The following PARVG variants were observed in gnomAD, a reference collection of about 807,000 sequenced individuals.
PARVG encodes gamma-parvin.
A neutral mutation model predicts 44.4 loss-of-function variants in PARVG; 36 were observed. The observed-to-expected ratio is 0.81, with a 90% CI of 0.62 to 1.07. The LOEUF (loss-of-function observed/expected upper bound fraction) is 1.07, where lower values mean the gene tolerates loss of function less well. PARVG is among the 50% of genes least tolerant of loss of function. The probability of loss-of-function intolerance (pLI) is 0.00; values close to 1 mark genes in which losing one functional copy is unlikely to be tolerated. For missense variants in PARVG, 407 were observed against 407.4 expected (o/e 1.00, Z 0.01); for synonymous variants, 170 against 174.1 (o/e 0.98, Z 0.19).
At position 44,206,324 on chromosome 22, in the gene PARVG, G is replaced by A; in HGVS notation, c.894G>A (p.Val298=). 6.2e-7 allele frequency: 1 copy of A among 1,613,480 alleles called. No individual in the cohort carries two copies. The highest frequency in any genetic ancestry group is 2.2e-5 in the East Asian group (1 of 44,876). ...LSCPVSPEDI[V]NKDAKSTLRV... ...CCCTCCTTTGGCCCGCAGATATCGT[G>A]AACAAGGATGCCAAGAGCACACTGA... Residue 298 remains valine (V), a synonymous_variant, in exon 14 of 14, where the codon GTG becomes GTA. Transcript: ENST00000444313.
upstream of PARVG, among the ~76,000 whole-genome samples, chr22:44,178,627 C>A (rs1231709484): frequency 6.6e-6 from 1 of 152,100 alleles, no homozygotes; most frequent in African/African-American, 2.4e-5. Flanking sequence ...CAGAAGCAGA[C>A]CAGGAAATGA....
chr22:44,198,889 TTCA>T (rs2054655964), intron 12 of PARVG, among the ~76,000 whole-genome samples, 167 bp downstream of exon 12: 1 of 96,846 alleles, frequency 1.0e-5, no homozygotes, highest in East Asian at 3.0e-4. Flanking sequence ...CATCCACCTA[TTCA>T]CCTATCCATC....
rs2054800884 is a variant in PARVG at position 44,207,858 on chromosome 22, A to C, written c.*1432A>C. On this transcript the variant is annotated 3_prime_UTR_variant, in exon 14 of 14. Transcript: ENST00000444313. Reference sequence around the variant, plus strand: ...CAAGCCCATAAGCGTGTTCCACGTGAGCACTCAGATGCACCCCTCTTCATG... The same window carrying C: ...CAAGCCCATAAGCGTGTTCCACGTGCGCACTCAGATGCACCCCTCTTCATG... The C allele has an allele frequency of 6.6e-6, 1 of 152,246 alleles. No individual in the cohort carries two copies. Among genetic ancestry groups the C allele is most frequent in the Non-Finnish European group, 1.5e-5 (1 of 68,100 alleles). 9.4% of individuals were successfully genotyped at this position (152,246 alleles called of 1,614,324 possible). A position where few individuals can be genotyped will look rare whatever the true frequency, so the allele number is the denominator to read the frequency against.
chr22:44,188,012 T>C, intron 5 of PARVG, 134 bp downstream of exon 5: 1 of 900,430 alleles, frequency 1.1e-6, no homozygotes, highest in South Asian at 1.5e-5. Flanking sequence ...TCTCACTTTC[T>C]AGATGGGCCT....
At chr22:44,189,018 T>C (rs2054512275) in intron 5 of PARVG, 96 bp from the exon 6 acceptor site, 15 of 1,529,462 alleles carry the variant, frequency 9.8e-6, no homozygotes, top group Non-Finnish European at 1.2e-5. Flanking sequence ...CCATGTTCCC[T>C]GAAGCACCAG....
intron 4 of PARVG, chr22:44,186,475 C>T (rs956604340): frequency 2.2e-6 from 1 of 448,642 alleles, no homozygotes; most frequent in African/African-American, 2.0e-5. Flanking sequence ...GGGAGGCCTC[C>T]TGGCCTACAC....
At chr22:44,201,160 G>A (rs2054702398) in intron 12 of PARVG, among the ~76,000 whole-genome samples, 1 of 152,092 alleles carries the variant, frequency 6.6e-6, no homozygotes, top group African/African-American at 2.4e-5. Flanking sequence ...GGCCAGCTCT[G>A]CCCACCTTCT....
At chr22:44,203,224 T>C (rs552676573) in intron 12 of PARVG, among the ~76,000 whole-genome samples, 2 of 152,338 alleles carry the variant, frequency 1.3e-5, no homozygotes, top group South Asian at 4.1e-4. Context: ...TGAGCACTGG[T>C]TGTATGGCTA....
At chr22:44,201,594 T>C (rs2147239462) in intron 12 of PARVG, among the ~76,000 whole-genome samples, 1 of 152,284 alleles carries the variant, frequency 6.6e-6, no homozygotes, top group Middle Eastern at 3.4e-3. Flanking sequence ...CGGTGCCTGC[T>C]GCTTCCTAGG....
At position 44,206,824 on chromosome 22, in the gene PARVG, C is replaced by G. The variant is rs73888906; in HGVS notation, c.*398C>G. 1 of 212,838 alleles carries G rather than the reference C, an allele frequency of 4.7e-6. No homozygotes were observed. Among genetic ancestry groups the G allele is most frequent in the Non-Finnish European group, 9.3e-6 (1 of 107,152 alleles). The allele number at this position is 212,838 out of a possible 1,614,324, so 13.2% of individuals were successfully genotyped here. ...ACTCTCAGGGACAGGGCCCACAGCC[C>G]CAGACCCCACCTTTTCCAGCCCAGC... On this transcript the variant is annotated 3_prime_UTR_variant, in exon 14 of 14. Transcript: ENST00000444313.
intron 1 of PARVG, among the ~76,000 whole-genome samples, chr22:44,175,708 C>T (rs916603318): frequency 6.6e-6 from 1 of 152,100 alleles, no homozygotes; most frequent in African/African-American, 2.4e-5. Flanking sequence ...TGTGCTAGGG[C>T]ACAGGAACCA....
intron 8 of PARVG, 22 bp from the exon 9 acceptor site, chr22:44,193,779 G>T: frequency 6.2e-7 from 1 of 1,609,184 alleles, no homozygotes; most frequent in Non-Finnish European, 8.5e-7. Context: ...CCATTTGTTT[G>T]CTTTTTCCAC....
At chr22:44,178,111 T>C (rs1371614835), upstream of PARVG, among the ~76,000 whole-genome samples, 7 of 152,206 alleles carry the variant, frequency 4.6e-5, no homozygotes, top group Non-Finnish European at 4.4e-5. Context: ...ATGGTGGAAC[T>C]GTGAGTCCAT....
intron 8 of PARVG, among the ~76,000 whole-genome samples, chr22:44,192,645 C>T (rs559825120): frequency 9.4e-4 from 1 of 1,066 alleles, no homozygotes; most frequent in Admixed American, 9.1e-3. Flanking sequence ...CTCCTGCCCA[C>T]TGGGCATGGC....
At chr22:44,199,884 A>G (rs1385735672) in intron 12 of PARVG, among the ~76,000 whole-genome samples, 6 of 152,176 alleles carry the variant, frequency 3.9e-5, no homozygotes, top group Non-Finnish European at 8.8e-5. Context: ...TGGGGGGATC[A>G]GCAGTTCCCA....
chr22:44,183,920 T>C, intron 3 of PARVG: 1 of 305,416 alleles, frequency 3.3e-6, no homozygotes, highest in Non-Finnish European at 6.0e-6. Flanking sequence ...GGTGTGGGGC[T>C]CCTGACGTGC....
rs778501391 is a variant in PARVG at position 44,187,845 on chromosome 22, A to T, written c.214A>T (p.Met72Leu). ...TGTGGTCCGCAGCCTGGAGGAGGACATGTTCGACGGGCTCATCCTACACCA... is the reference window on the plus strand; with the variant it reads ...TGTGGTCCGCAGCCTGGAGGAGGACTTGTTCGACGGGCTCATCCTACACCA... The part of the protein sequence containing the change: ...HIVVRSLEED[M>L]FDGLILHHLF... The change falls in exon 5 of 14, where the codon ATG becomes TTG. Residue 72 changes from methionine (M) to leucine (L), a missense_variant. Physicochemically the swap from Met to Leu is conservative, Grantham distance 15. Coordinates refer to ENST00000444313, the MANE Select transcript of PARVG (RefSeq NM_022141.7). The T allele has an allele frequency of 1.2e-5, 19 of 1,614,248 alleles. No homozygotes were observed. Among genetic ancestry groups the T allele is most frequent in the Non-Finnish European group, 1.5e-5 (18 of 1,180,042 alleles).
intron 12 of PARVG, among the ~76,000 whole-genome samples, chr22:44,199,809 G>A (rs1199599278): frequency 6.6e-6 from 1 of 152,198 alleles, no homozygotes; most frequent in Non-Finnish European, 1.5e-5. Flanking sequence ...GCAAGAACAG[G>A]AATGGGTCAG....
chr22:44,193,069 C>G (rs2054571246), intron 8 of PARVG, among the ~76,000 whole-genome samples: 1 of 152,232 alleles, frequency 6.6e-6, no homozygotes, highest in Non-Finnish European at 1.5e-5. Context: ...GCCTTGGCCT[C>G]TGTGCTGAGC....
Sources: allele counts gnomAD v4.1 joint callset (sites outside exome capture counted in the v4.1 genomes callset), GRCh38; gene constraint gnomAD v4.1.1; transcripts MANE v1.5; gene names NCBI Gene and HGNC (gene_info 2026-07-23, HGNC 2026-07-21).